CAPSL: variants seen among roughly 807,000 people sequenced by gnomAD.
The protein encoded by CAPSL is calcyphosine like, also known as calcyphosin-like protein.
CAPSL carries 17 observed loss-of-function variants against 21.3 expected under a neutral mutation model. That is an observed-to-expected ratio of 0.80 (90% confidence interval 0.55 to 1.20). CAPSL has a LOEUF of 1.20. CAPSL is among the 50% of genes most tolerant of loss of function. The probability of loss-of-function intolerance (pLI) is 0.00; values close to 1 mark genes in which losing one functional copy is unlikely to be tolerated. For missense variants in CAPSL, 289 were observed against 259.3 expected (o/e 1.11, Z -0.79); for synonymous variants, 102 against 89.3 (o/e 1.14, Z -0.80).
At chr5:35,910,339 G>A in intron 3 of CAPSL, 27 bp downstream of exon 3, 1 of 1,607,058 alleles carries the variant, frequency 6.2e-7, no homozygotes, top group Non-Finnish European at 8.5e-7. Flanking sequence ...AAACTCAGCA[G>A]ATACACTGAT....
At chr5:35,914,289 A>G (rs1459357480) in intron 2 of CAPSL, among the ~76,000 whole-genome samples, 1 of 152,228 alleles carries the variant, frequency 6.6e-6, no homozygotes, top group African/African-American at 2.4e-5. Context: ...TGTCAACATT[A>G]GACAGATCAA....
chr5:35,913,478 AG>A, intron 2 of CAPSL, among the ~76,000 whole-genome samples: 1 of 152,334 alleles, frequency 6.6e-6, no homozygotes, highest in African/African-American at 2.4e-5. Flanking sequence ...TTACCCACAA[AG>A]GGAAGCCCAT....
intron 2 of CAPSL, among the ~76,000 whole-genome samples, chr5:35,914,465 C>T (rs1282330863): frequency 1.3e-5 from 2 of 152,142 alleles, no homozygotes; most frequent in African/African-American, 4.8e-5. Flanking sequence ...GGAAGTAAAA[C>T]ACTCCTCAGC....
chr5:35,924,003 A>T (rs1163274233), intron 1 of CAPSL, among the ~76,000 whole-genome samples: 1 of 148,882 alleles, frequency 6.7e-6, no homozygotes, highest in Non-Finnish European at 1.5e-5. Context: ...AATACATACA[A>T]CTTTATCTGT....
chr5:35,925,843 G>C (rs1162836283), intron 1 of CAPSL, among the ~76,000 whole-genome samples: 1 of 152,148 alleles, frequency 6.6e-6, no homozygotes, highest in Non-Finnish European at 1.5e-5. Context: ...TTGGGAGGCA[G>C]AGACGGGCGG....
rs754098152 is a variant in CAPSL, at chr5:35,919,170, A to AAAAAAAAATATATATATAT, written c.137+1813_137+1814insATATATATATATTTTTTTT. Among the ~76,000 whole-genome samples, 38 of 121,264 alleles carry AAAAAAAAATATATATATAT rather than the reference A, an allele frequency of 3.1e-4. No individual in the cohort carries two copies. The East Asian group carries it at 6.4e-3, about 20-fold the overall frequency. 79.6% of individuals were successfully genotyped at this position (121,264 alleles called of 152,430 possible). A position where few individuals can be genotyped will look rare whatever the true frequency, so the allele number is the denominator to read the frequency against. On this transcript the variant is annotated intron_variant, in intron 2 of 4. Transcript: ENST00000651391. Reference sequence around the variant, plus strand: ...AGTATCTTTCCTGATTAAAAAAAAAAATATATATATATATATATATAAAAA... The same window carrying AAAAAAAAATATATATATAT: ...AGTATCTTTCCTGATTAAAAAAAAAAAAAAAAAATATATATATATATATATATATATATATATATAAAAA...
At chr5:35,935,623 C>A (rs1406029738) in intron 1 of CAPSL, among the ~76,000 whole-genome samples, 1 of 152,158 alleles carries the variant, frequency 6.6e-6, no homozygotes, top group South Asian at 2.1e-4. Flanking sequence ...ACATGAGCCA[C>A]GGTGCCCAGA....
At chr5:35,919,878 T>C (rs1320883886) in intron 2 of CAPSL, among the ~76,000 whole-genome samples, 6 of 152,106 alleles carry the variant, frequency 3.9e-5, no homozygotes, top group Non-Finnish European at 8.8e-5. Flanking sequence ...GGGGTGAAGA[T>C]GGCACAGGTA....
chr5:35,908,571 A>T (rs1474678798), intron 4 of CAPSL, among the ~76,000 whole-genome samples: 9 of 152,194 alleles, frequency 5.9e-5, no homozygotes, highest in African/African-American at 1.7e-4. Context: ...ACACTCTAGG[A>T]TCCACAAAGG....
intron 1 of CAPSL, among the ~76,000 whole-genome samples, chr5:35,936,410 C>T (rs1438370717): frequency 6.6e-6 from 1 of 152,156 alleles, no homozygotes; most frequent in Non-Finnish European, 1.5e-5. Flanking sequence ...CTAGCTATCA[C>T]CCCTCAAAGT....
chr5:35,918,599 C>T (rs567519548), intron 2 of CAPSL, among the ~76,000 whole-genome samples: 12 of 152,134 alleles, frequency 7.9e-5, no homozygotes, highest in Non-Finnish European at 1.3e-4. Context: ...TATCCCAGCA[C>T]TTAAAGAATA....
intron 2 of CAPSL, among the ~76,000 whole-genome samples, chr5:35,917,516 C>G (rs369474923): frequency 0.017 from 2,512 of 152,156 alleles, 61 homozygotes; most frequent in African/African-American, 0.048. Context: ...CACATATACA[C>G]CATGGAATAC....
At chr5:35,916,551 A>G (rs911091618) in intron 2 of CAPSL, among the ~76,000 whole-genome samples, 2 of 152,308 alleles carry the variant, frequency 1.3e-5, no homozygotes, top group Admixed American at 6.5e-5. Flanking sequence ...GCCCTCAGAA[A>G]TAATGCCACA....
chr5:35,914,082 T>G (rs1319074116), intron 2 of CAPSL, among the ~76,000 whole-genome samples: 1 of 152,082 alleles, frequency 6.6e-6, no homozygotes, highest in East Asian at 1.9e-4. Context: ...AAACAGACTT[T>G]AAAACAACAA....
chr5:35,910,164 A>G lies in CAPSL; in HGVS notation c.316-89T>C, dbSNP rs938742108. ...TGTGATAAAATATCTCATTCCCCTC[A>G]ACGATGTGAAATAATATTTGTGTGC... is the stretch of plus-strand genomic sequence containing the variant. On this transcript the variant is annotated intron_variant, in intron 3 of 4. Coordinates refer to ENST00000651391, the MANE Select transcript of CAPSL (RefSeq NM_001042625.2). 1.1e-5 allele frequency: 13 copies of G among 1,185,566 alleles called. No individual in the cohort carries two copies. The African/African-American group carries it at 1.5e-4, about 14-fold the overall frequency. The allele number at this position is 1,185,566 out of a possible 1,614,324, so 73.4% of individuals were successfully genotyped here.
At position 35,909,458 on chromosome 5, in the gene CAPSL, A is replaced by G. The variant is rs1264418272; in HGVS notation, c.525+408T>C. Among the ~76,000 whole-genome samples the G allele has an allele frequency of 1.3e-5, 2 of 152,174 alleles. 1 individual carries two copies. Among genetic ancestry groups the G allele is most frequent in the African/African-American group, 4.8e-5 (2 of 41,446 alleles). On this transcript the variant is annotated intron_variant, in intron 4 of 4. Coordinates refer to ENST00000651391, the MANE Select transcript of CAPSL (RefSeq NM_001042625.2). Reference sequence around the variant, plus strand: ...AGGCCTTGTAAATCTGTTCTCCAAAATTAAATTATGATCTCATTTCAAAGT... The same window carrying G: ...AGGCCTTGTAAATCTGTTCTCCAAAGTTAAATTATGATCTCATTTCAAAGT...
intron 2 of CAPSL, among the ~76,000 whole-genome samples, chr5:35,913,102 G>T (rs1374061242): frequency 1.3e-5 from 2 of 152,144 alleles, no homozygotes; most frequent in African/African-American, 4.8e-5. Context: ...GGAAGAAAGG[G>T]TATCAGTGAT....
At chr5:35,905,388 T>C (rs1028217331) in intron 4 of CAPSL, among the ~76,000 whole-genome samples, 3 of 152,162 alleles carry the variant, frequency 2.0e-5, no homozygotes, top group Admixed American at 6.5e-5. Context: ...ACATGATCGG[T>C]TGGGGACATA....
intron 2 of CAPSL, among the ~76,000 whole-genome samples, chr5:35,913,733 G>A (rs528026346): frequency 5.1e-4 from 77 of 152,242 alleles, no homozygotes; most frequent in Middle Eastern, 3.4e-3. Flanking sequence ...AGGAACAACC[G>A]GTACCAGCCA....
Sources: allele counts gnomAD v4.1 joint callset (sites outside exome capture counted in the v4.1 genomes callset), GRCh38; gene constraint gnomAD v4.1.1; transcripts MANE v1.5; gene names NCBI Gene and HGNC (gene_info 2026-07-23, HGNC 2026-07-21).